The following CASR variants were observed in gnomAD, a reference collection of about 807,000 sequenced individuals.
CASR encodes the protein extracellular calcium-sensing receptor.
CASR carries 23 observed loss-of-function variants against 69.1 expected under a neutral mutation model. The observed-to-expected ratio is 0.33, with a 90% confidence interval of 0.24 to 0.47. The LOEUF (loss-of-function observed/expected upper bound fraction) is 0.47. Among genes scored for constraint, CASR ranks in the 20% least tolerant of loss-of-function variants. The pLI, the probability that CASR is intolerant of heterozygous loss-of-function variation, is 1.00. For synonymous variants in CASR, 541 were observed against 544.7 expected, an observed-to-expected ratio of 0.99 and a Z score of 0.10; for missense variants, 924 against 1,356.1, an observed-to-expected ratio of 0.68 and a Z score of 5.00.
chr3:122,184,152 G>T (rs1425474773), intron 1 of CASR: 1 of 152,296 alleles, frequency 6.6e-6, no homozygotes, highest in African/African-American at 2.4e-5. Flanking sequence ...TGCGGGCTAA[G>T]GAGACGGTGA....
chr3:122,229,043 T>C (rs904631214), intron 1 of CASR, among the ~76,000 whole-genome samples: 3 of 152,224 alleles, frequency 2.0e-5, no homozygotes, highest in Non-Finnish European at 4.4e-5. Flanking sequence ...GTTACAACAG[T>C]TGATTTACAT....
chr3:122,272,091 GCACACACACACACACACA>G (rs35249463), intron 4 of CASR, among the ~76,000 whole-genome samples: 1 of 148,820 alleles, frequency 6.7e-6, no homozygotes. Flanking sequence ...TCCTAGGAAT[GCACACACACACACACACA>G]CACACACACA....
chr3:122,234,831 C>T (rs2074314118), intron 1 of CASR, among the ~76,000 whole-genome samples: 2 of 152,210 alleles, frequency 1.3e-5, no homozygotes, highest in Admixed American at 6.5e-5. Context: ...CTTCGGGTGT[C>T]ATTAGCAACA....
At chr3:122,278,685 A>C (rs1047948118) in intron 5 of CASR, among the ~76,000 whole-genome samples, 4 of 152,186 alleles carry the variant, frequency 2.6e-5, no homozygotes, top group African/African-American at 4.8e-5. Flanking sequence ...AGGATGCAGT[A>C]AGCAGACCCA....
chr3:122,245,885 AAAGT>A (rs2074423080), intron 1 of CASR, among the ~76,000 whole-genome samples: 1 of 152,230 alleles, frequency 6.6e-6, no homozygotes, highest in South Asian at 2.1e-4. Flanking sequence ...GCTGTAATTG[AAAGT>A]AAGTTTAGTC....
chr3:122,210,316 A>G (rs2074050587), intron 1 of CASR, among the ~76,000 whole-genome samples: 1 of 152,228 alleles, frequency 6.6e-6, no homozygotes, highest in Admixed American at 6.5e-5. Context: ...TGCAGATGAC[A>G]TGATCCTATA....
intron 1 of CASR, among the ~76,000 whole-genome samples, chr3:122,238,421 T>C (rs1382804907): frequency 6.6e-6 from 1 of 152,232 alleles, no homozygotes; most frequent in Non-Finnish European, 1.5e-5. Context: ...CTTGAGTTTC[T>C]GCAAGCCTCA....
At chr3:122,233,482 G>A (rs1182770548) in intron 1 of CASR, among the ~76,000 whole-genome samples, 5 of 152,230 alleles carry the variant, frequency 3.3e-5, no homozygotes, top group Middle Eastern at 3.2e-3. Context: ...GGGCCTCAGG[G>A]TGTTGGGGAG....
At chr3:122,272,991 G>A (rs921383932) in intron 4 of CASR, among the ~76,000 whole-genome samples, 5 of 152,196 alleles carry the variant, frequency 3.3e-5, no homozygotes, top group Non-Finnish European at 5.9e-5. Context: ...AGCTAATTAT[G>A]AAAGGATCTT....
At chr3:122,246,453 G>A (rs1403349387) in intron 1 of CASR, 6 of 152,286 alleles carry the variant, frequency 3.9e-5, no homozygotes, top group East Asian at 3.9e-4. Context: ...TAGCTACAGC[G>A]GAGCCACAAA....
intron 4 of CASR, among the ~76,000 whole-genome samples, chr3:122,271,944 G>A (rs2074762861): frequency 6.6e-6 from 1 of 152,088 alleles, no homozygotes; most frequent in Non-Finnish European, 1.5e-5. Flanking sequence ...GTATCCCATT[G>A]TGTGGATATA....
chr3:122,219,999 C>T (rs576038203), intron 1 of CASR, among the ~76,000 whole-genome samples: 6 of 152,326 alleles, frequency 3.9e-5, no homozygotes, highest in African/African-American at 1.4e-4. Context: ...AGCTCAGTTG[C>T]TGCTGTGTGG....
chr3:122,222,481 A>G (rs2074181452), intron 1 of CASR, among the ~76,000 whole-genome samples: 1 of 152,194 alleles, frequency 6.6e-6, no homozygotes, highest in Non-Finnish European at 1.5e-5. Context: ...TAAAAGGTCA[A>G]TAATAATAAT....
At chr3:122,235,657 G>A (rs2074322483) in intron 1 of CASR, among the ~76,000 whole-genome samples, 2 of 152,102 alleles carry the variant, frequency 1.3e-5, no homozygotes, top group South Asian at 4.1e-4. Flanking sequence ...AATAGCCTGG[G>A]GTAGTGGCAT....
At chr3:122,280,652 C>A (rs936463006) in intron 5 of CASR, among the ~76,000 whole-genome samples, 2 of 152,142 alleles carry the variant, frequency 1.3e-5, no homozygotes, top group Non-Finnish European at 2.9e-5. Flanking sequence ...ACTGCCTTTC[C>A]ATTCCTCATT....
At chr3:122,247,517 T>A (rs907889027) in intron 1 of CASR, 1 of 152,222 alleles carries the variant, frequency 6.6e-6, no homozygotes, top group Admixed American at 6.5e-5. Flanking sequence ...TTGGTGTTCA[T>A]ACATCCGTCA....
rs550352481 is a variant in CASR, at chr3:122,194,334, A to G, written c.-243+10522A>G. ...GATTTTTGTCTTCCTAACTGGATTT[A>G]GAGCTCCTTGAAAACAGGGCCGATC... On this transcript the variant is annotated intron_variant, in intron 1 of 6. Coordinates refer to ENST00000639785, the MANE Select transcript of CASR (RefSeq NM_000388.4). Among the ~76,000 whole-genome samples, 38 of 152,222 alleles carry G rather than the reference A, an allele frequency of 2.5e-4. No homozygotes were observed. In the South Asian group the frequency reaches 6.4e-3, roughly 26 times the overall value.
chr3:122,226,872 G>C (rs1576833946), intron 1 of CASR, among the ~76,000 whole-genome samples: 7 of 152,276 alleles, frequency 4.6e-5, no homozygotes, highest in Admixed American at 3.9e-4. Context: ...ACAGGGTGCT[G>C]ATTGGTGTGT....
intron 1 of CASR, among the ~76,000 whole-genome samples, chr3:122,198,211 A>T (rs1293627419): frequency 6.6e-6 from 1 of 152,248 alleles, no homozygotes; most frequent in Non-Finnish European, 1.5e-5. Context: ...AGGATTTATG[A>T]CACAGAATTT....
Sources: gnomAD v4.1 joint callset for allele counts (sites outside exome capture counted in the v4.1 genomes callset) on GRCh38, gnomAD v4.1.1 for gene constraint, MANE v1.5 for transcripts, NCBI Gene and HGNC (gene_info 2026-07-23, HGNC 2026-07-21) for gene names.